Variants in PABPC4L observed in about 807,000 individuals in gnomAD.
PABPC4L encodes poly(A) binding protein cytoplasmic 4 like.
For synonymous variants in PABPC4L, 169 were observed against 164.1 expected, an observed-to-expected ratio of 1.03 and a Z score of -0.23; for missense variants, 452 against 451.4, an observed-to-expected ratio of 1.00 and a Z score of -0.01.
the PABPC4L span, among the ~76,000 whole-genome samples, chr4:134,155,893 C>A: frequency 6.6e-6 from 1 of 151,904 alleles, no homozygotes; most frequent in Non-Finnish European, 1.5e-5. Context: ...AAGTAAGAAA[C>A]AATAACATAA....
At chr4:133,989,230 C>T in the PABPC4L span, among the ~76,000 whole-genome samples, 1 of 152,122 alleles carries the variant, frequency 6.6e-6, no homozygotes, top group Admixed American at 6.6e-5. Flanking sequence ...ATTGCTTATG[C>T]AAATTTCTTA....
At chr4:134,114,548 T>G in the PABPC4L span, among the ~76,000 whole-genome samples, 1 of 151,782 alleles carries the variant, frequency 6.6e-6, no homozygotes. Flanking sequence ...GGGGAAGGAC[T>G]TCCATCTTAG....
At chr4:134,118,935 AT>A in the PABPC4L span, among the ~76,000 whole-genome samples, 1 of 151,294 alleles carries the variant, frequency 6.6e-6, no homozygotes, top group Non-Finnish European at 1.5e-5. Flanking sequence ...TCAAAACAGT[AT>A]AACAGTGTCT....
downstream of PABPC4L, among the ~76,000 whole-genome samples, chr4:134,193,654 A>G (rs952204699): frequency 6.6e-5 from 10 of 151,970 alleles, no homozygotes; most frequent in Admixed American, 3.3e-4. Flanking sequence ...TTGGGCATCA[A>G]TATTTAATCT....
the PABPC4L span, among the ~76,000 whole-genome samples, chr4:134,002,429 A>T: frequency 6.6e-6 from 1 of 152,010 alleles, no homozygotes; most frequent in East Asian, 1.9e-4. Flanking sequence ...TGCAATTTAA[A>T]ATGAATGCTA....
chr4:134,193,574 A>G (rs1729572774), downstream of PABPC4L, among the ~76,000 whole-genome samples: 1 of 151,906 alleles, frequency 6.6e-6, no homozygotes, highest in African/African-American at 2.4e-5. Context: ...TCCATTTTGA[A>G]AAGAAGATCA....
the PABPC4L span, among the ~76,000 whole-genome samples, chr4:134,112,605 T>A: frequency 4.5e-3 from 688 of 151,504 alleles, 2 homozygotes; most frequent in Non-Finnish European, 6.5e-3. Context: ...TATCTATCTA[T>A]CTATCTATCT....
chr4:134,072,227 T>G, the PABPC4L span, among the ~76,000 whole-genome samples: 1 of 152,172 alleles, frequency 6.6e-6, no homozygotes, highest in Non-Finnish European at 1.5e-5. Context: ...GTTATCCCTT[T>G]TAGTTCCAGT....
chr4:134,005,777 T>C, the PABPC4L span, among the ~76,000 whole-genome samples: 2 of 151,814 alleles, frequency 1.3e-5, no homozygotes, highest in African/African-American at 2.4e-5. Flanking sequence ...ACTAGGGATC[T>C]GCTTTAGATT....
At chr4:134,044,695 T>G in the PABPC4L span, among the ~76,000 whole-genome samples, 4 of 152,324 alleles carry the variant, frequency 2.6e-5, no homozygotes, top group East Asian at 7.7e-4. Flanking sequence ...TACCTGAACA[T>G]GGAAATGTCT....
chr4:134,091,320 C>T, the PABPC4L span, among the ~76,000 whole-genome samples: 1 of 151,752 alleles, frequency 6.6e-6, no homozygotes, highest in Admixed American at 6.6e-5. Context: ...TATACGAAGA[C>T]AATTTGATTT....
At chr4:134,144,867 T>C in the PABPC4L span, among the ~76,000 whole-genome samples, 1 of 151,788 alleles carries the variant, frequency 6.6e-6, no homozygotes, top group African/African-American at 2.4e-5. Flanking sequence ...CCCTAATTTG[T>C]GTAAAAATTC....
the PABPC4L span, among the ~76,000 whole-genome samples, chr4:133,983,969 A>C: frequency 6.6e-6 from 1 of 151,994 alleles, no homozygotes; most frequent in Admixed American, 6.6e-5. Flanking sequence ...TTTCACATAG[A>C]AAGAGTACAA....
the PABPC4L span, among the ~76,000 whole-genome samples, chr4:133,979,316 C>T: frequency 4.0e-3 from 609 of 152,146 alleles, 1 homozygote; most frequent in Non-Finnish European, 6.7e-3. Flanking sequence ...ATTTTGTAAG[C>T]TAATCCTAAA....
chr4:134,064,113 G>T, the PABPC4L span, among the ~76,000 whole-genome samples: 1 of 151,858 alleles, frequency 6.6e-6, no homozygotes, highest in African/African-American at 2.4e-5. Context: ...CGATAATTAG[G>T]TATTTTATAA....
the PABPC4L span, among the ~76,000 whole-genome samples, chr4:134,179,621 G>C: frequency 6.6e-6 from 1 of 152,036 alleles, no homozygotes; most frequent in Non-Finnish European, 1.5e-5. Context: ...AAACCAAACA[G>C]CATGTTGCCT....
the PABPC4L span, among the ~76,000 whole-genome samples, chr4:134,098,860 G>A: frequency 3.0e-4 from 46 of 151,712 alleles, no homozygotes; most frequent in East Asian, 5.8e-4. Context: ...ATTTTGTTTC[G>A]AGAAGGAATA....
the PABPC4L span, among the ~76,000 whole-genome samples, chr4:133,951,268 T>A: frequency 3.9e-5 from 6 of 152,202 alleles, no homozygotes; most frequent in African/African-American, 1.4e-4. Context: ...TAAACAGTTA[T>A]GGTTTGATGC....
the PABPC4L span, among the ~76,000 whole-genome samples, chr4:134,151,332 C>T: frequency 6.6e-6 from 1 of 152,184 alleles, no homozygotes; most frequent in Middle Eastern, 3.4e-3. Flanking sequence ...GTTGCACATG[C>T]TAACCATTAT....
Sources: gnomAD v4.1 joint callset for allele counts (sites outside exome capture counted in the v4.1 genomes callset) on GRCh38, gnomAD v4.1.1 for gene constraint, MANE v1.5 for transcripts, NCBI Gene and HGNC (gene_info 2026-07-23, HGNC 2026-07-21) for gene names.